CHRNA3: variants seen among roughly 807,000 people sequenced by gnomAD.
The protein encoded by CHRNA3 is cholinergic receptor nicotinic alpha 3 subunit.
In CHRNA3, 34 loss-of-function variants were observed where a neutral mutation model predicts 41.9. The observed-to-expected ratio is 0.81, with a 90% CI of 0.62 to 1.08. The LOEUF (loss-of-function observed/expected upper bound fraction) is 1.08. CHRNA3 is among the 50% of genes least tolerant of loss of function. The probability of loss-of-function intolerance (pLI) is 0.00; values close to 1 mark genes in which losing one functional copy is unlikely to be tolerated. For missense variants in CHRNA3, 542 were observed against 638.3 expected (o/e 0.85, Z 1.63); for synonymous variants, 281 against 265.2 (o/e 1.06, Z -0.58).
At chr15:78,594,848 TAATC>T (rs1555416695), downstream of CHRNA3, 1 of 152,212 alleles carries the variant, frequency 6.6e-6, no homozygotes, top group Non-Finnish European at 1.5e-5. Context: ...CCTTTAGATG[TAATC>T]AATCTTAGCC....
intron 1 of CHRNA3, chr15:78,619,749 C>T (rs2053520486): frequency 1.3e-5 from 2 of 152,416 alleles, no homozygotes; most frequent in African/African-American, 2.4e-5. Context: ...GGTCAGCTGT[C>T]TTCTGATTCC....
intron 4 of CHRNA3, among the ~76,000 whole-genome samples, chr15:78,605,113 AAAG>A (rs1226696422): frequency 6.6e-6 from 1 of 152,174 alleles, no homozygotes; most frequent in East Asian, 1.9e-4. Context: ...GCAATTAAAA[AAAG>A]AAAAGGTAGT....
intron 3 of CHRNA3, 174 bp downstream of exon 3, chr15:78,618,443 G>C (rs1208139311): frequency 1.2e-5 from 8 of 679,370 alleles, no homozygotes; most frequent in Non-Finnish European, 2.0e-5. Context: ...GGGGACTGTA[G>C]GGCAGTGCAT....
intron 4 of CHRNA3, among the ~76,000 whole-genome samples, chr15:78,614,898 G>A: frequency 6.6e-6 from 1 of 152,142 alleles, no homozygotes; most frequent in East Asian, 1.9e-4. Context: ...AAAAGGGAGG[G>A]GTTTTGGAGG....
intron 4 of CHRNA3, among the ~76,000 whole-genome samples, chr15:78,613,098 AG>A (rs1247649339): frequency 6.6e-6 from 1 of 152,226 alleles, no homozygotes; most frequent in African/African-American, 2.4e-5. Context: ...GTGGAGAAAT[AG>A]GAACACTTTT....
downstream of CHRNA3, chr15:78,595,252 T>C (rs1015795596): frequency 7.2e-6 from 7 of 976,200 alleles, no homozygotes; most frequent in African/African-American, 1.2e-4. Context: ...GATTTTTATA[T>C]ATAAATTTTT....
At chr15:78,620,388 G>T (rs931229011) in intron 1 of CHRNA3, 22 of 342,528 alleles carry the variant, frequency 6.4e-5, no homozygotes, top group Non-Finnish European at 1.0e-4. Flanking sequence ...AGGGCGACGG[G>T]CAGCGCGGGG....
In CHRNA3 at chr15:78,601,634, G is replaced by A. The variant is rs754366730; in HGVS notation, c.1008C>T (p.His336=). The A allele has an allele frequency of 4.3e-6, 7 of 1,614,090 alleles. No homozygotes were observed. The highest frequency in any genetic ancestry group is 2.7e-5 in the African/African-American group (2 of 74,920). ...CAGTCTTCACCCATGAGGGCATTGT[G>A]TGTGTCGTCGGGGTTCTGTAGTGCA... ...LNVHYRTPTT[H]TMPSWVKTVF... The change falls in exon 5 of 6, where the codon CAC becomes CAT. Residue 336 remains histidine, a synonymous_variant. Transcript: ENST00000326828.
At chr15:78,609,302 G>GA (rs2053346261) in intron 4 of CHRNA3, among the ~76,000 whole-genome samples, 1 of 152,100 alleles carries the variant, frequency 6.6e-6, no homozygotes, top group Admixed American at 6.6e-5. Context: ...TGAAATGAAG[G>GA]AAAAAATGTT....
In CHRNA3 at chr15:78,620,900, G is replaced by A. The variant is rs2053541544; in HGVS notation, c.-106C>T. ...CTCCAGCGCAGACCCCAGACCTGGA[G>A]CCGTGCGGGCGGAGACGCGCGGGGC... On this transcript the variant is annotated 5_prime_UTR_variant, in exon 1 of 6. Transcript: ENST00000326828. 2 of 1,248,080 alleles carry A rather than the reference G, an allele frequency of 1.6e-6. No individual in the cohort carries two copies. The highest frequency in any genetic ancestry group is 2.0e-6 in the Non-Finnish European group (2 of 997,076). The allele number at this position is 1,248,080 out of a possible 1,614,324, so 77.3% of individuals were successfully genotyped here.
Position 78,620,948 on chromosome 15 carries a change from G to A in CHRNA3, c.-154C>T, listed in dbSNP as rs2053542477. On this transcript the variant is annotated 5_prime_UTR_variant, in exon 1 of 6. Transcript: ENST00000326828. The stretch of plus-strand genomic sequence containing the variant: ...GGCTCCTCTCCGCTTCGCCGCCGCT[G>A]GGTTTCCAGCGCCCTCGGACCCGCG... 11 of 1,072,504 alleles carry A rather than the reference G, an allele frequency of 1.0e-5. No individual in the cohort carries two copies. The highest frequency in any genetic ancestry group is 1.2e-5 in the Non-Finnish European group (10 of 846,482). The allele number at this position is 1,072,504 out of a possible 1,614,324, so 66.4% of individuals were successfully genotyped here.
At chr15:78,606,001 A>T (rs1209857614) in intron 4 of CHRNA3, among the ~76,000 whole-genome samples, 1 of 152,144 alleles carries the variant, frequency 6.6e-6, no homozygotes, top group Non-Finnish European at 1.5e-5. Context: ...AAACAAGAGC[A>T]ACGAAGCTTT....
chr15:78,610,298 A>C (rs542702661), intron 4 of CHRNA3, among the ~76,000 whole-genome samples: 1 of 152,232 alleles, frequency 6.6e-6, no homozygotes, highest in Admixed American at 6.5e-5. Flanking sequence ...CACCACACCT[A>C]TTCCAAAATT....
At chr15:78,613,662 T>C (rs2053416619) in intron 4 of CHRNA3, among the ~76,000 whole-genome samples, 1 of 149,858 alleles carries the variant, frequency 6.7e-6, no homozygotes, top group Non-Finnish European at 1.5e-5. Context: ...ATGGCACATG[T>C]ATACATATGT....
chr15:78,609,357 C>G (rs1189530266), intron 4 of CHRNA3, among the ~76,000 whole-genome samples: 1 of 152,118 alleles, frequency 6.6e-6, no homozygotes, highest in Non-Finnish European at 1.5e-5. Flanking sequence ...AAAGGGAAGC[C>G]CATCAGACTA....
At chr15:78,614,460 G>A (rs2053432715) in intron 4 of CHRNA3, among the ~76,000 whole-genome samples, 1 of 152,064 alleles carries the variant, frequency 6.6e-6, no homozygotes, top group Non-Finnish European at 1.5e-5. Flanking sequence ...TGTTTCCTTG[G>A]GAAAACAGTA....
At chr15:78,599,981 C>G (rs1441235233) in intron 5 of CHRNA3, 1 of 139,468 alleles carries the variant, frequency 7.2e-6, no homozygotes, top group African/African-American at 2.7e-5. Flanking sequence ...TGTACTACTG[C>G]ACTCCATTCT....
In CHRNA3 at chr15:78,618,915, A is replaced by G; in HGVS notation, c.83T>C (p.Val28Ala). The change falls in exon 2 of 6, where the codon GTG (valine) becomes GCG (alanine). Residue 28 changes from valine (V) to alanine (A), a missense_variant and splice_region_variant. Physicochemically the swap from Val to Ala is moderately conservative, Grantham distance 64. Transcript: ENST00000326828. Reference sequence around the variant, plus strand: ...GTGCTCAGCCTCTGAGGCCCTGGCCACTGTGGGAAGCAGCCCTGTCAGTCC... The same window carrying G: ...GTGCTCAGCCTCTGAGGCCCTGGCCGCTGTGGGAAGCAGCCCTGTCAGTCC... ...LLLLLLSLLP[V>A]ARASEAEHRL... The G allele has an allele frequency of 6.2e-7, 1 of 1,613,120 alleles. No individual in the cohort carries two copies.
chr15:78,620,960 C>G lies in CHRNA3; in HGVS notation c.-166G>C. ...CTTCGCCGCCGCTGGGTTTCCAGCGCCCTCGGACCCGCGGGAGGACAGGAA... is the reference window on the plus strand; with the variant it reads ...CTTCGCCGCCGCTGGGTTTCCAGCGGCCTCGGACCCGCGGGAGGACAGGAA... On this transcript the variant is annotated 5_prime_UTR_variant, in exon 1 of 6. Coordinates refer to ENST00000326828, the MANE Select transcript of CHRNA3 (RefSeq NM_000743.5). 1 of 954,756 alleles carries G rather than the reference C, an allele frequency of 1.0e-6. No individual in the cohort carries two copies. The highest frequency in any genetic ancestry group is 1.4e-6 in the Non-Finnish European group (1 of 738,280). The allele number at this position is 954,756 out of a possible 1,614,324, so 59.1% of individuals were successfully genotyped here. A position where few individuals can be genotyped will look rare whatever the true frequency, so the allele number is the denominator to read the frequency against.
Sources: gnomAD v4.1 joint callset for allele counts (sites outside exome capture counted in the v4.1 genomes callset) on GRCh38, gnomAD v4.1.1 for gene constraint, MANE v1.5 for transcripts, NCBI Gene and HGNC (gene_info 2026-07-23, HGNC 2026-07-21) for gene names.